The following ADAMTSL1 variants were observed in gnomAD, a reference collection of about 807,000 sequenced individuals.
The protein encoded by ADAMTSL1 is ADAMTS-like protein 1.
ADAMTSL1 carries 126 observed loss-of-function variants against 201.8 expected under a neutral mutation model. The ratio of observed to expected loss-of-function variants is 0.62; its 90% CI spans 0.54 to 0.72. ADAMTSL1 has a LOEUF of 0.72. Among genes scored for constraint, ADAMTSL1 ranks in the 30% least tolerant of loss-of-function variants. The pLI is 0.00. For missense variants in ADAMTSL1, 2,679 were observed against 2,277.8 expected (o/e 1.18, Z -3.59); for synonymous variants, 1,121 against 903.4 (o/e 1.24, Z -4.32).
intron 7 of ADAMTSL1, among the ~76,000 whole-genome samples, chr9:18,644,034 T>C (rs989362730): frequency 6.6e-6 from 1 of 152,052 alleles, no homozygotes; most frequent in South Asian, 2.1e-4. Flanking sequence ...TCCATTAATT[T>C]GTGTTTTCTT....
intron 19 of ADAMTSL1, among the ~76,000 whole-genome samples, chr9:18,782,705 C>A (rs1463357419): frequency 6.6e-6 from 1 of 152,106 alleles, no homozygotes; most frequent in East Asian, 1.9e-4. Flanking sequence ...GATTTGGTGA[C>A]CGCTTTAGAT....
chr9:18,068,234 A>T (rs1822797375), intron 1 of ADAMTSL1, among the ~76,000 whole-genome samples: 1 of 152,176 alleles, frequency 6.6e-6, no homozygotes, highest in East Asian at 1.9e-4. Flanking sequence ...TTGGCCCTCC[A>T]TATCTGTATG....
intron 1 of ADAMTSL1, among the ~76,000 whole-genome samples, chr9:18,046,823 T>A (rs1213354058): frequency 6.6e-6 from 1 of 152,108 alleles, no homozygotes; most frequent in Non-Finnish European, 1.5e-5. Context: ...ATCAACAACC[T>A]CAGACACATA....
chr9:18,890,283 C>T (rs1829163784), intron 25 of ADAMTSL1, among the ~76,000 whole-genome samples: 1 of 152,184 alleles, frequency 6.6e-6, no homozygotes, highest in South Asian at 2.1e-4. Flanking sequence ...CTGACAGTAG[C>T]CTCATGCTCT....
intron 2 of ADAMTSL1, among the ~76,000 whole-genome samples, chr9:18,366,941 A>G (rs1836794400): frequency 6.6e-6 from 1 of 152,184 alleles, no homozygotes; most frequent in African/African-American, 2.4e-5. Context: ...AAAGAATATG[A>G]AAATAAATAC....
At chr9:18,889,791 G>A (rs34099646) in intron 25 of ADAMTSL1, 43 bp downstream of exon 25, 631,797 of 1,398,406 alleles carry the variant, frequency 0.45, 144,780 homozygotes, top group East Asian at 0.6. Flanking sequence ...CACCCTAGGA[G>A]GAGCCCTCCC....
Position 18,064,336 on chromosome 9 carries a change from A to G in ADAMTSL1, c.88-99526A>G, listed in dbSNP as rs997817575. Among the ~76,000 whole-genome samples, 4 of 152,174 alleles carry G rather than the reference A, an allele frequency of 2.6e-5. No individual in the cohort carries two copies. The East Asian group carries it at 5.8e-4, about 22-fold the overall frequency. Reference sequence around the variant, plus strand: ...TCTCGGATGATTCTCAGCATCTCCAACTGTAAATTCGTGGTAGCCTGGTAG... The same window carrying G: ...TCTCGGATGATTCTCAGCATCTCCAGCTGTAAATTCGTGGTAGCCTGGTAG... On this transcript the variant is annotated intron_variant, in intron 1 of 29. Coordinates refer to the ADAMTSL1 transcript ENST00000680146.
intron 5 of ADAMTSL1, among the ~76,000 whole-genome samples, chr9:18,630,250 A>G (rs1326641258): frequency 2.0e-5 from 3 of 152,164 alleles, no homozygotes; most frequent in African/African-American, 7.2e-5. Flanking sequence ...TTAATGTTCC[A>G]TGACTTACAA....
chr9:18,462,640 TAGA>T (rs1199112235), intron 2 of ADAMTSL1, among the ~76,000 whole-genome samples: 2 of 152,134 alleles, frequency 1.3e-5, no homozygotes, highest in East Asian at 3.9e-4. Flanking sequence ...ATTTAATCAG[TAGA>T]AGAAGGAAAA....
At chr9:18,284,829 A>G (rs1420662977) in intron 2 of ADAMTSL1, among the ~76,000 whole-genome samples, 1 of 152,180 alleles carries the variant, frequency 6.6e-6, no homozygotes, top group African/African-American at 2.4e-5. Flanking sequence ...GATTTTTCTC[A>G]GCTATCTGTT....
chr9:18,394,509 GGAGA>G (rs1325708480), intron 2 of ADAMTSL1, among the ~76,000 whole-genome samples: 2 of 152,168 alleles, frequency 1.3e-5, no homozygotes, highest in African/African-American at 4.8e-5. Context: ...AGACAGAAAT[GGAGA>G]GAGAATAGGA....
intron 5 of ADAMTSL1, among the ~76,000 whole-genome samples, chr9:18,633,610 C>G (rs1260311820): frequency 1.3e-5 from 2 of 149,258 alleles, no homozygotes; most frequent in Non-Finnish European, 3.0e-5. Flanking sequence ...ACAAACAAAC[C>G]AAAGAAGCTC....
At chr9:18,833,549 T>C (rs10963788) in intron 23 of ADAMTSL1, among the ~76,000 whole-genome samples, 25,526 of 152,218 alleles carry the variant, frequency 0.17, 2,639 homozygotes, top group East Asian at 0.25. Flanking sequence ...TTTAATGCAA[T>C]TGTGTTTTTT....
chr9:18,053,513 A>C (rs1360649382), intron 1 of ADAMTSL1, among the ~76,000 whole-genome samples: 4 of 152,220 alleles, frequency 2.6e-5, no homozygotes, highest in Non-Finnish European at 5.9e-5. Context: ...GATTTCATGA[A>C]AAATTGTGTA....
At chr9:18,093,749 T>G (rs146297159) in intron 1 of ADAMTSL1, among the ~76,000 whole-genome samples, 44 of 152,290 alleles carry the variant, frequency 2.9e-4, no homozygotes, top group African/African-American at 1.0e-3. Context: ...GTATTTGAGC[T>G]TTGGTCTTGG....
intron 2 of ADAMTSL1, among the ~76,000 whole-genome samples, chr9:18,186,550 A>T (rs1175997999): frequency 6.6e-6 from 1 of 152,150 alleles, no homozygotes. Flanking sequence ...CCACCATAAA[A>T]GTAGACTTTG....
At chr9:18,130,333 C>T (rs1031103489) in intron 1 of ADAMTSL1, among the ~76,000 whole-genome samples, 3 of 152,146 alleles carry the variant, frequency 2.0e-5, no homozygotes, top group Admixed American at 6.5e-5. Context: ...TGGAGAAAAG[C>T]ATTTCAGGGA....
chr9:18,667,844 G>C (rs781718626), intron 9 of ADAMTSL1, among the ~76,000 whole-genome samples: 11 of 152,118 alleles, frequency 7.2e-5, no homozygotes, highest in Non-Finnish European at 1.5e-5. Flanking sequence ...AACAGGAACT[G>C]TAAGTCCTAG....
chr9:18,898,088 C>G (rs1243564222), intron 26 of ADAMTSL1, among the ~76,000 whole-genome samples: 1 of 151,776 alleles, frequency 6.6e-6, no homozygotes, highest in Non-Finnish European at 1.5e-5. Flanking sequence ...ACTCGGGAGG[C>G]TGAGGCAGGA....
Sources: gnomAD v4.1 joint callset for allele counts (sites outside exome capture counted in the v4.1 genomes callset) on GRCh38, gnomAD v4.1.1 for gene constraint, MANE v1.5 for transcripts, NCBI Gene and HGNC (gene_info 2026-07-23, HGNC 2026-07-21) for gene names.